AGPAT5: variants seen among roughly 807,000 people sequenced by gnomAD.
AGPAT5 encodes 1-acyl-sn-glycerol-3-phosphate acyltransferase epsilon.
A neutral mutation model predicts 45.6 loss-of-function variants in AGPAT5; 46 were observed. That is an observed-to-expected ratio of 1.01 (90% CI 0.80 to 1.29). The LOEUF (loss-of-function observed/expected upper bound fraction) is 1.29, where lower values mean the gene tolerates loss of function less well. AGPAT5 is among the 50% of genes most tolerant of loss of function. AGPAT5 has a pLI of 0.00. For synonymous variants in AGPAT5, 272 were observed against 167.0 expected, an observed-to-expected ratio of 1.63 and a Z score of -4.85; for missense variants, 673 against 450.7, an observed-to-expected ratio of 1.49 and a Z score of -4.47.
At chr8:6,738,635 A>G (rs1801135933) in intron 4 of AGPAT5, 2 of 152,146 alleles carry the variant, frequency 1.3e-5, no homozygotes, top group Non-Finnish European at 2.9e-5. Flanking sequence ...AAAAAATGCA[A>G]TTTCCGTGAA....
At chr8:6,711,128 T>C (rs2116842933) in intron 1 of AGPAT5, among the ~76,000 whole-genome samples, 1 of 152,316 alleles carries the variant, frequency 6.6e-6, no homozygotes, top group African/African-American at 2.4e-5. Flanking sequence ...CTTTCAACTC[T>C]AGGTTTAAAA....
At position 6,732,639 on chromosome 8, in the gene AGPAT5, G is replaced by T. The variant is rs139524305; in HGVS notation, c.484G>T (p.Ala162Ser). ...MRNKLQSYVD[A>S]GTPMYLVIFP... ...AAACAAGTTGCAGAGCTACGTGGAC[G>T]CAGGAACTCCAGTAAGAGCCTACCC... The change falls in exon 4 of 8, where the codon GCA becomes TCA. Residue 162 changes from alanine to serine, a missense_variant. Transcript: ENST00000285518. The T allele has an allele frequency of 2.6e-5, 42 of 1,608,136 alleles. No individual in the cohort carries two copies. The East Asian group carries it at 9.0e-4, about 34-fold the overall frequency.
At chr8:6,712,449 G>A (rs552020562) in intron 1 of AGPAT5, among the ~76,000 whole-genome samples, 3 of 152,158 alleles carry the variant, frequency 2.0e-5, no homozygotes, top group African/African-American at 7.2e-5. Context: ...AATTAATTAT[G>A]TATGATGTGG....
rs574276457 is a variant in AGPAT5, at chr8:6,755,644, G to A, written c.869+470G>A. Reference sequence around the variant, plus strand: ...GAAATAGAAGGGGGCAGTTGACAGCGTTATATCCAAAGTGTCTTCTGTGGT... The same window carrying A: ...GAAATAGAAGGGGGCAGTTGACAGCATTATATCCAAAGTGTCTTCTGTGGT... On this transcript the variant is annotated intron_variant, in intron 7 of 7. Coordinates refer to ENST00000285518, the MANE Select transcript of AGPAT5 (RefSeq NM_018361.5). Among the ~76,000 whole-genome samples the A allele has an allele frequency of 5.3e-5, 8 of 152,256 alleles. No individual in the cohort carries two copies. The East Asian group carries it at 1.2e-3, about 22-fold the overall frequency.
At position 6,757,217 on chromosome 8, in the gene AGPAT5, T is replaced by A; in HGVS notation, c.924T>A (p.Pro308=). ...SPDPERRKRF[P]GKSVNSKLSI... is the part of the protein sequence containing the mutation. Reference sequence around the variant, plus strand: ...ATCCAGAAAGAAGAAAAAGATTTCCTGGGAAAAGTGTTAATTCCAAATTAA... The same window carrying A: ...ATCCAGAAAGAAGAAAAAGATTTCCAGGGAAAAGTGTTAATTCCAAATTAA... Residue 308 remains proline (P), a synonymous_variant, in exon 8 of 8, where the codon CCT becomes CCA. Coordinates refer to ENST00000285518, the MANE Select transcript of AGPAT5 (RefSeq NM_018361.5). 1 of 1,614,240 alleles carries A rather than the reference T, an allele frequency of 6.2e-7. No individual in the cohort carries two copies. Among genetic ancestry groups the A allele is most frequent in the Non-Finnish European group, 8.5e-7 (1 of 1,180,030 alleles).
chr8:6,719,248 A>G (rs75745711), intron 1 of AGPAT5, among the ~76,000 whole-genome samples: 1 of 152,210 alleles, frequency 6.6e-6, no homozygotes, highest in South Asian at 2.1e-4. Context: ...ATTATTTTAC[A>G]TTAGGTTCAA....
intron 2 of AGPAT5, among the ~76,000 whole-genome samples, chr8:6,729,116 C>T (rs1438354331): frequency 2.6e-5 from 4 of 152,104 alleles, no homozygotes; most frequent in African/African-American, 4.8e-5. Flanking sequence ...GAATGATAAT[C>T]CCTGATTAAA....
At chr8:6,709,208 G>C (rs1800051113) in intron 1 of AGPAT5, 1 of 403,018 alleles carries the variant, frequency 2.5e-6, no homozygotes, top group Non-Finnish European at 4.7e-6. Context: ...GCGTTTAGCA[G>C]TTTCTGGCCT....
chr8:6,752,757 C>T (rs547319403), intron 6 of AGPAT5, among the ~76,000 whole-genome samples: 1 of 152,304 alleles, frequency 6.6e-6, no homozygotes, highest in Non-Finnish European at 1.5e-5. Context: ...ACTCATGTAA[C>T]ATGAACTATC....
intron 7 of AGPAT5, 44 bp downstream of exon 7, chr8:6,755,218 T>C: frequency 6.4e-7 from 1 of 1,572,790 alleles, no homozygotes; most frequent in East Asian, 2.3e-5. Flanking sequence ...TCGGTTCAAC[T>C]AGATTTCAGT....
chr8:6,745,743 G>A (rs137977556), intron 5 of AGPAT5: 23 of 150,692 alleles, frequency 1.5e-4, no homozygotes, highest in African/African-American at 5.1e-4. Context: ...GATGTTTCCG[G>A]AGTCTGTATT....
intron 7 of AGPAT5, among the ~76,000 whole-genome samples, chr8:6,756,590 G>A (rs373753753): frequency 2.8e-5 from 4 of 142,732 alleles, no homozygotes; most frequent in Non-Finnish European, 6.0e-5. Flanking sequence ...CTCCAGCCTG[G>A]TAACAGAGTG....
intron 5 of AGPAT5, chr8:6,746,277 C>G (rs1479967662): frequency 2.6e-5 from 4 of 152,218 alleles, no homozygotes; most frequent in Non-Finnish European, 4.4e-5. Context: ...ATGTCTTCCT[C>G]TTGGCCATTC....
chr8:6,727,440 G>A (rs978766282), intron 2 of AGPAT5, among the ~76,000 whole-genome samples: 13 of 151,862 alleles, frequency 8.6e-5, no homozygotes, highest in African/African-American at 3.1e-4. Context: ...TGGGTGTAAT[G>A]GTGCAATCTC....
intron 1 of AGPAT5, among the ~76,000 whole-genome samples, chr8:6,723,325 G>A (rs10112451): frequency 0.022 from 3,366 of 152,236 alleles, 119 homozygotes; most frequent in African/African-American, 0.077. Flanking sequence ...AGGAGTGTGG[G>A]CAGGTGCGCA....
intron 5 of AGPAT5, among the ~76,000 whole-genome samples, chr8:6,746,823 T>TGA (rs1482837907): frequency 6.6e-6 from 1 of 152,190 alleles, no homozygotes; most frequent in Non-Finnish European, 1.5e-5. Context: ...TGTCACTTAT[T>TGA]GAGAGCTACT....
At chr8:6,753,587 A>G (rs1801727170) in intron 6 of AGPAT5, among the ~76,000 whole-genome samples, 1 of 152,002 alleles carries the variant, frequency 6.6e-6, no homozygotes, top group African/African-American at 2.4e-5. Flanking sequence ...ATAGACTTGC[A>G]CCCTTAGGCA....
At chr8:6,734,402 C>A (rs1003388192) in intron 4 of AGPAT5, among the ~76,000 whole-genome samples, 1 of 152,046 alleles carries the variant, frequency 6.6e-6, no homozygotes, top group Non-Finnish European at 1.5e-5. Context: ...TTAAGGCACT[C>A]TTCATCTCTG....
chr8:6,726,991 G>C (rs1265179294), intron 2 of AGPAT5, among the ~76,000 whole-genome samples: 1 of 152,018 alleles, frequency 6.6e-6, no homozygotes, highest in Non-Finnish European at 1.5e-5. Context: ...GTAGTTTTAG[G>C]GTTTCAGAGA....
Sources: gnomAD v4.1 joint callset for allele counts (sites outside exome capture counted in the v4.1 genomes callset) on GRCh38, gnomAD v4.1.1 for gene constraint, MANE v1.5 for transcripts, NCBI Gene and HGNC (gene_info 2026-07-23, HGNC 2026-07-21) for gene names.